PCDHGA7: variants seen among roughly 807,000 people sequenced by gnomAD.
PCDHGA7 encodes protocadherin gamma-A7.
In PCDHGA7, 44 loss-of-function variants were observed where a neutral mutation model predicts 58.3. The observed-to-expected ratio is 0.75, with a 90% CI of 0.59 to 0.97. PCDHGA7 has a LOEUF of 0.97. PCDHGA7 is among the 50% of genes least tolerant of loss of function. The pLI is 0.00. For missense variants in PCDHGA7, 1,266 were observed against 1,188.7 expected (o/e 1.06, Z -0.96); for synonymous variants, 516 against 504.2 (o/e 1.02, Z -0.31).
At chr5:141,470,416 A>AT (rs1300623208) in intron 1 of PCDHGA7, among the ~76,000 whole-genome samples, 3 of 152,134 alleles carry the variant, frequency 2.0e-5, no homozygotes, top group African/African-American at 7.2e-5. Flanking sequence ...GATTTTATGT[A>AT]TTTTTTCCTT....
At chr5:141,492,312 C>T (rs1470136040) in intron 1 of PCDHGA7, among the ~76,000 whole-genome samples, 2 of 152,348 alleles carry the variant, frequency 1.3e-5, no homozygotes, top group African/African-American at 4.8e-5. Flanking sequence ...CGCACGCACT[C>T]CTCGCACGTG....
At position 141,485,287 on chromosome 5, in the gene PCDHGA7, G is replaced by A. The variant is rs1396496143; in HGVS notation, c.2425-9520G>A. 5.0e-6 allele frequency: 8 copies of A among 1,614,064 alleles called. No individual in the cohort carries two copies. The highest frequency in any genetic ancestry group is 6.8e-6 in the Non-Finnish European group (8 of 1,180,002). On this transcript the variant is annotated intron_variant, in intron 1 of 3. Transcript: ENST00000518325. The surrounding 1 kb of genome is among the most constrained non-coding windows in gnomAD (Gnocchi z 5.7). ...AGATCCGCTACCCGGTCCCAGAGGA[G>A]TCACAGGAAGGGACTTTTGTAGGGA...
intron 1 of PCDHGA7, chr5:141,389,470 C>T (rs776427212): frequency 1.2e-6 from 2 of 1,613,240 alleles, no homozygotes; most frequent in East Asian, 2.2e-5. Context: ...TTCGAACTCA[C>T]ACTGCAGGCC....
At chr5:141,387,274 AT>A (rs2090884370) in intron 1 of PCDHGA7, among the ~76,000 whole-genome samples, 1 of 152,244 alleles carries the variant, frequency 6.6e-6, no homozygotes, top group South Asian at 2.1e-4. Context: ...GTTAGGAACA[AT>A]GAAAGAAAGA....
intron 1 of PCDHGA7, chr5:141,471,533 G>C (rs921328911): frequency 1.3e-5 from 2 of 152,234 alleles, no homozygotes. Context: ...AGGAAGCTAT[G>C]ATAGCATTTA....
chr5:141,423,648 G>T, intron 1 of PCDHGA7: 1 of 1,590,008 alleles, frequency 6.3e-7, no homozygotes, highest in Admixed American at 1.8e-5. Context: ...AATGTGACCC[G>T]ACAAGTAATC....
intron 1 of PCDHGA7, chr5:141,400,570 T>C: frequency 6.2e-7 from 1 of 1,612,974 alleles, no homozygotes; most frequent in Non-Finnish European, 8.5e-7. Context: ...CACCCAATTT[T>C]CTGTATTTAC....
chr5:141,428,181 A>G, intron 1 of PCDHGA7: 2 of 1,486,230 alleles, frequency 1.3e-6, no homozygotes, highest in Non-Finnish European at 1.8e-6. Flanking sequence ...GACGGAGGAC[A>G]GCCGCCGCTC....
Position 141,432,623 on chromosome 5 carries a change from C to T in PCDHGA7, c.2424+47300C>T, listed in dbSNP as rs1047752183. Reference sequence around the variant, plus strand: ...GCCGGGACTCTTCTCGGTGGGTCTGCACACGGGCGAGGTGCGCACGGCGCG... The same window carrying T: ...GCCGGGACTCTTCTCGGTGGGTCTGTACACGGGCGAGGTGCGCACGGCGCG... On this transcript the variant is annotated intron_variant, in intron 1 of 3. Coordinates refer to ENST00000518325, the MANE Select transcript of PCDHGA7 (RefSeq NM_018920.4). The surrounding 1 kb of genome is among the most constrained non-coding windows in gnomAD (Gnocchi z 6.0). The T allele has an allele frequency of 1.2e-6, 2 of 1,613,196 alleles. No homozygotes were observed. The highest frequency in any genetic ancestry group is 2.2e-5 in the East Asian group (1 of 44,792).
chr5:141,460,224 T>C (rs986301555), intron 1 of PCDHGA7, among the ~76,000 whole-genome samples: 1 of 152,168 alleles, frequency 6.6e-6, no homozygotes, highest in African/African-American at 2.4e-5. Context: ...GTTGTGTCTT[T>C]TGAAGAGCAG....
chr5:141,398,932 C>T (rs554339110), intron 1 of PCDHGA7: 1 of 1,613,900 alleles, frequency 6.2e-7, no homozygotes, highest in Non-Finnish European at 8.5e-7. Context: ...AGCCACTGAC[C>T]AAGACGAGGG....
intron 2 of PCDHGA7, among the ~76,000 whole-genome samples, chr5:141,503,081 C>G (rs1354848667): frequency 6.6e-6 from 1 of 151,960 alleles, no homozygotes; most frequent in Non-Finnish European, 1.5e-5. Flanking sequence ...TCTCGATCTC[C>G]TGACCTCGTG....
At chr5:141,483,745 T>C (rs1288301129) in intron 1 of PCDHGA7, among the ~76,000 whole-genome samples, 1 of 152,130 alleles carries the variant, frequency 6.6e-6, no homozygotes, top group Non-Finnish European at 1.5e-5. Flanking sequence ...AGGATATTCC[T>C]GAGGATCGAG....
intron 1 of PCDHGA7, chr5:141,410,195 G>A (rs769655902): frequency 1.1e-5 from 18 of 1,613,966 alleles, no homozygotes; most frequent in Non-Finnish European, 1.0e-5. Context: ...TCTGGTCTTC[G>A]CAGACAACTT....
chr5:141,441,609 A>G (rs922588350), intron 1 of PCDHGA7: 2 of 218,734 alleles, frequency 9.1e-6, no homozygotes, highest in South Asian at 5.5e-5. Context: ...TCCCTATTCC[A>G]TCGTGGCCAG....
chr5:141,404,466 T>C lies in PCDHGA7; in HGVS notation c.2424+19143T>C, dbSNP rs536211455. ...CAAGGGTCTCCTCTCTCCACCTATG[T>C]CTCTATTAACTCAGACACTGGTGTG... On this transcript the variant is annotated intron_variant, in intron 1 of 3. Transcript: ENST00000518325. 28 of 1,613,558 alleles carry C rather than the reference T, an allele frequency of 1.7e-5. No individual in the cohort carries two copies. Among genetic ancestry groups the C allele is most frequent in the East Asian group, 2.2e-5 (1 of 44,882 alleles).
rs761227475 is a variant in PCDHGA7 at position 141,489,382 on chromosome 5, G to A, written c.2425-5425G>A. 4 of 1,613,872 alleles carry A rather than the reference G, an allele frequency of 2.5e-6. No homozygotes were observed. The highest frequency in any genetic ancestry group is 1.7e-5 in the Admixed American group (1 of 60,006). On this transcript the variant is annotated intron_variant, in intron 1 of 3. Coordinates refer to ENST00000518325, the MANE Select transcript of PCDHGA7 (RefSeq NM_018920.4). The surrounding 1 kb of genome is among the most constrained non-coding windows in gnomAD (Gnocchi z 4.5). ...TGAGCCGGGGACGCTGGTGGGGAATGTTGCTCAGGATCTGGGCTTAAAGAT... is the reference window on the plus strand; with the variant it reads ...TGAGCCGGGGACGCTGGTGGGGAATATTGCTCAGGATCTGGGCTTAAAGAT...
Position 141,432,917 on chromosome 5 carries a change from C to A in PCDHGA7, c.2424+47594C>A. 6.2e-7 allele frequency: 1 copy of A among 1,614,166 alleles called. No homozygotes were observed. Among genetic ancestry groups the A allele is most frequent in the South Asian group, 1.1e-5 (1 of 91,086 alleles). On this transcript the variant is annotated intron_variant, in intron 1 of 3. Transcript: ENST00000518325. This position sits in a 1 kb window ranked among gnomAD's most constrained non-coding sequence, Gnocchi z 6.0. The stretch of plus-strand genomic sequence containing the variant: ...GCTGGCGCTCAGGCTGCGGCGCTGG[C>A]ACAAGTCACGCCTGCTGCAGGCTTC...
At chr5:141,473,902 G>C (rs1593464039) in intron 1 of PCDHGA7, among the ~76,000 whole-genome samples, 1 of 152,240 alleles carries the variant, frequency 6.6e-6, no homozygotes, top group South Asian at 2.1e-4. Context: ...GGTTCATGAA[G>C]AGGTCTTAAG....
Sources: allele counts gnomAD v4.1 joint callset (sites outside exome capture counted in the v4.1 genomes callset), GRCh38; gene constraint gnomAD v4.1.1; non-coding constraint Gnocchi (gnomAD v3.1); transcripts MANE v1.5; gene names NCBI Gene and HGNC (gene_info 2026-07-23, HGNC 2026-07-21).